Variants in ANKS1B observed in about 807,000 individuals in gnomAD.
ANKS1B encodes ankyrin repeat and sterile alpha motif domain-containing protein 1B.
A neutral mutation model predicts 148.3 loss-of-function variants in ANKS1B; 36 were observed. The ratio of observed to expected loss-of-function variants is 0.24; its 90% CI spans 0.19 to 0.32. The LOEUF is 0.32. ANKS1B is among the 10% of genes least tolerant of loss of function. The pLI is 1.00. For missense variants in ANKS1B, 1,157 were observed against 1,542.6 expected, an observed-to-expected ratio of 0.75 and a Z score of 4.19; for synonymous variants, 542 against 560.8, an observed-to-expected ratio of 0.97 and a Z score of 0.47.
At chr12:98,856,586 T>C (rs916112996) in intron 17 of ANKS1B, among the ~76,000 whole-genome samples, 18 of 152,204 alleles carry the variant, frequency 1.2e-4, no homozygotes, top group Admixed American at 2.0e-4. Flanking sequence ...TAATAAGTGT[T>C]CCCCTTCTCT....
intron 9 of ANKS1B, among the ~76,000 whole-genome samples, chr12:99,615,097 T>G (rs2097942005): frequency 6.6e-6 from 1 of 152,154 alleles, no homozygotes; most frequent in Non-Finnish European, 1.5e-5. Context: ...GAAAAATGCT[T>G]GTTAACTGCA....
chr12:99,440,439 T>A (rs2095531267), intron 11 of ANKS1B, among the ~76,000 whole-genome samples: 2 of 151,802 alleles, frequency 1.3e-5, no homozygotes, highest in South Asian at 4.1e-4. Flanking sequence ...AGTATTTAAG[T>A]ACAAGTAAGT....
At chr12:99,035,470 A>G (rs2099954957) in intron 17 of ANKS1B, among the ~76,000 whole-genome samples, 2 of 152,128 alleles carry the variant, frequency 1.3e-5, no homozygotes, top group Admixed American at 1.3e-4. Flanking sequence ...TGGTCCAATA[A>G]TATTTCGGCA....
chr12:99,126,421 C>T (rs1400316815), intron 15 of ANKS1B, among the ~76,000 whole-genome samples: 1 of 152,100 alleles, frequency 6.6e-6, no homozygotes, highest in Non-Finnish European at 1.5e-5. Context: ...TCTAGTATTT[C>T]AATTTAACAG....
chr12:99,890,274 T>A (rs774146298), intron 1 of ANKS1B, among the ~76,000 whole-genome samples: 3 of 152,182 alleles, frequency 2.0e-5, no homozygotes, highest in Non-Finnish European at 4.4e-5. Flanking sequence ...AGACTTTTAG[T>A]AAATTAGATT....
chr12:98,838,895 C>A (rs748739801), intron 17 of ANKS1B, among the ~76,000 whole-genome samples: 3 of 152,092 alleles, frequency 2.0e-5, no homozygotes, highest in Non-Finnish European at 4.4e-5. Flanking sequence ...TCAAAGTTTT[C>A]CCCCCTGCCT....
At chr12:98,880,488 C>T (rs939574579) in intron 17 of ANKS1B, among the ~76,000 whole-genome samples, 3 of 151,992 alleles carry the variant, frequency 2.0e-5, no homozygotes, top group African/African-American at 4.8e-5. Flanking sequence ...GGTTTCTGGC[C>T]GGGCACGGTG....
At chr12:99,327,142 CAATAATATAT>C (rs1203067403) in intron 12 of ANKS1B, among the ~76,000 whole-genome samples, 159 of 112,974 alleles carry the variant, frequency 1.4e-3, no homozygotes, top group African/African-American at 5.4e-3. Context: ...TATTAATATA[CAATAATATAT>C]AATATATAAT....
chr12:99,437,195 G>A (rs2095475482), intron 11 of ANKS1B, among the ~76,000 whole-genome samples: 1 of 151,954 alleles, frequency 6.6e-6, no homozygotes, highest in South Asian at 2.1e-4. Context: ...AGTTCTTGCT[G>A]TGTCCTCATG....
intron 12 of ANKS1B, among the ~76,000 whole-genome samples, chr12:99,366,394 G>C (rs1480556915): frequency 6.6e-6 from 1 of 152,102 alleles, no homozygotes; most frequent in Non-Finnish European, 1.5e-5. Context: ...GCTGCCCCCA[G>C]TATGGCTCCT....
intron 12 of ANKS1B, among the ~76,000 whole-genome samples, chr12:99,317,740 G>A (rs1296929067): frequency 6.6e-6 from 1 of 152,100 alleles, no homozygotes; most frequent in Admixed American, 6.6e-5. Flanking sequence ...TCTGTCTTGT[G>A]CCAGTTTTCA....
chr12:98,919,515 G>A (rs1241632890), intron 17 of ANKS1B, among the ~76,000 whole-genome samples: 1 of 152,176 alleles, frequency 6.6e-6, no homozygotes, highest in East Asian at 1.9e-4. Context: ...ACTCTTACAA[G>A]GAATCAGAAG....
chr12:98,773,810 T>G (rs1394273053), intron 24 of ANKS1B, among the ~76,000 whole-genome samples: 1 of 152,216 alleles, frequency 6.6e-6, no homozygotes, highest in South Asian at 2.1e-4. Context: ...CCATTCCCCA[T>G]GTCCACCTGT....
intron 12 of ANKS1B, among the ~76,000 whole-genome samples, chr12:99,263,106 C>T (rs944009592): frequency 1.4e-4 from 21 of 151,858 alleles, no homozygotes; most frequent in African/African-American, 5.1e-4. Context: ...ATTCCCATTT[C>T]GTAGGTGAGG....
rs1176243753 is a variant in ANKS1B at position 99,966,893 on chromosome 12, C to G, written c.134+17211G>C. Among the ~76,000 whole-genome samples the G allele has an allele frequency of 1.4e-4, 22 of 152,028 alleles. 1 individual carries two copies. The highest frequency in any genetic ancestry group is 1.4e-3 in the Admixed American group (22 of 15,258). On this transcript the variant is annotated intron_variant, in intron 1 of 26. Transcript: ENST00000683438. ...TGTGAGGAATGTACAAGATAGAAAA[C>G]AAATACTAAATCTTTGGTGACCAGT...
intron 10 of ANKS1B, among the ~76,000 whole-genome samples, chr12:99,489,391 C>A (rs983738078): frequency 1.7e-4 from 26 of 152,006 alleles, no homozygotes; most frequent in Non-Finnish European, 7.4e-5. Context: ...TACTTTTATT[C>A]TTTTTACTTT....
At chr12:99,151,212 A>G (rs2074784634) in intron 15 of ANKS1B, among the ~76,000 whole-genome samples, 1 of 152,124 alleles carries the variant, frequency 6.6e-6, no homozygotes, top group East Asian at 1.9e-4. Context: ...CTGAAGGAGG[A>G]GCAATAATTG....
chr12:99,871,760 T>C (rs1434655065), intron 1 of ANKS1B, among the ~76,000 whole-genome samples: 1 of 152,154 alleles, frequency 6.6e-6, no homozygotes, highest in Admixed American at 6.6e-5. Flanking sequence ...TCCACATTGA[T>C]TTCATATCCT....
At chr12:99,523,936 A>G (rs2096901590) in intron 9 of ANKS1B, among the ~76,000 whole-genome samples, 1 of 152,226 alleles carries the variant, frequency 6.6e-6, no homozygotes, top group Non-Finnish European at 1.5e-5. Context: ...GAATCAGAAT[A>G]GAAGTTTTGT....
Sources: allele counts gnomAD v4.1 joint callset (sites outside exome capture counted in the v4.1 genomes callset), GRCh38; gene constraint gnomAD v4.1.1; transcripts MANE v1.5; gene names NCBI Gene and HGNC (gene_info 2026-07-23, HGNC 2026-07-21).